Variants in RNPS1 observed in about 807,000 individuals in gnomAD.
The protein encoded by RNPS1 is RNA binding protein with serine rich domain 1.
For missense variants in RNPS1, 300 were observed against 427.6 expected, an observed-to-expected ratio of 0.70 and a Z score of 2.63; for synonymous variants, 147 against 150.0, an observed-to-expected ratio of 0.98 and a Z score of 0.15.
At position 2,264,647 on chromosome 16, in the gene RNPS1, C is replaced by A. The variant is rs1478881685; in HGVS notation, c.-4G>T. On this transcript the variant is annotated 5_prime_UTR_variant, in exon 2 of 8. Coordinates refer to ENST00000320225, the MANE Select transcript of RNPS1 (RefSeq NM_080594.4). ...TTTTCACTCCTGATAAATCCATTCT[C>A]CCCTTCTGAGGTGTTCAAAGCAGCA... 2 of 1,611,834 alleles carry A rather than the reference C, an allele frequency of 1.2e-6. No individual in the cohort carries two copies. The highest frequency in any genetic ancestry group is 1.7e-6 in the Non-Finnish European group (2 of 1,179,848).
rs1454176424 is a variant in RNPS1, at chr16:2,263,177, C to T, written c.338G>A (p.Arg113His). 6.8e-6 allele frequency: 11 copies of T among 1,613,852 alleles called. No individual in the cohort carries two copies. Among genetic ancestry groups the T allele is most frequent in the Middle Eastern group, 3.3e-4 (2 of 6,034 alleles). Residue 113 changes from arginine (R) to histidine (H), a missense_variant, in exon 4 of 8, where the codon CGC becomes CAC. Transcript: ENST00000320225. ...SSRSGSSSTS[R>H]SSSSSSSSGS... ...AGAAGAGCTGCTAGAGCTGGAGCTG[C>T]GGGAGGTGCTGGAGCTTCCTGAGCG...
In RNPS1 at chr16:2,253,736, T is replaced by G. The variant is rs1369515655; in HGVS notation, c.*228A>C. On this transcript the variant is annotated 3_prime_UTR_variant, in exon 8 of 8. Coordinates refer to ENST00000320225, the MANE Select transcript of RNPS1 (RefSeq NM_080594.4). ...CTGACTCTTAGAAACCGGAAACGGA[T>G]GAGCTTTCTAGCCAGAAAACCGGAG... is the stretch of plus-strand genomic sequence containing the variant. 6 of 647,742 alleles carry G rather than the reference T, an allele frequency of 9.3e-6. No individual in the cohort carries two copies. The highest frequency in any genetic ancestry group is 1.4e-5 in the Non-Finnish European group (5 of 358,040). The allele number at this position is 647,742 out of a possible 1,614,324, so 40.1% of individuals were successfully genotyped here.
In RNPS1 at chr16:2,264,342, AG is replaced by A; in HGVS notation, c.72-12del. 6.2e-7 allele frequency: 1 copy of A among 1,614,138 alleles called. No homozygotes were observed. Among genetic ancestry groups the A allele is most frequent in the Non-Finnish European group, 8.5e-7 (1 of 1,180,034 alleles). On this transcript the variant is annotated splice_polypyrimidine_tract_variant and intron_variant, in intron 2 of 7. Transcript: ENST00000320225. ...GTAGGTGAAGGAGCCCTGGATGGTG[AG>A]GAAGAGTGTGAGATTGCGTGCTCCT...
chr16:2,255,352 C>T (rs766273485), intron 7 of RNPS1, among the ~76,000 whole-genome samples: 4 of 152,226 alleles, frequency 2.6e-5, no homozygotes, highest in South Asian at 2.1e-4. Context: ...GGCCACACCA[C>T]GCCACTGCCC....
chr16:2,262,665 ATTC>A lies in RNPS1; in HGVS notation c.522+72_522+74del, dbSNP rs1180363537. On this transcript the variant is annotated intron_variant, in intron 5 of 7. Transcript: ENST00000320225. ...CCACCCCAGTCCTCCAAAAGGCTAC[ATTC>A]TAAGTTCATCTGCAGGCACAGGCCT... 4.5e-6 allele frequency: 6 copies of A among 1,347,148 alleles called. No individual in the cohort carries two copies. In the East Asian group the frequency reaches 1.1e-4, roughly 26 times the overall value. The allele number at this position is 1,347,148 out of a possible 1,614,324, so 83.4% of individuals were successfully genotyped here.
Position 2,264,678 on chromosome 16 carries a change from G to A in RNPS1, c.-35C>T, listed in dbSNP as rs755265833. Reference sequence around the variant, plus strand: ...CTGAGGTGTTCAAAGCAGCAATGGCGGCCTCACTTATCTGAACTCTCACTT... The same window carrying A: ...CTGAGGTGTTCAAAGCAGCAATGGCAGCCTCACTTATCTGAACTCTCACTT... On this transcript the variant is annotated 5_prime_UTR_variant, in exon 2 of 8. Transcript: ENST00000320225. 2.2e-5 allele frequency: 35 copies of A among 1,606,554 alleles called. No homozygotes were observed. The highest frequency in any genetic ancestry group is 3.3e-5 in the South Asian group (3 of 90,692).
chr16:2,266,756 C>T (rs2093626669), intron 1 of RNPS1: 1 of 966,616 alleles, frequency 1.0e-6, no homozygotes, highest in Non-Finnish European at 1.2e-6. Context: ...CCTGAAATTC[C>T]TTAGTAGCCA....
At chr16:2,254,141 T>C in intron 7 of RNPS1, 78 bp from the exon 8 acceptor site, 2 of 1,076,606 alleles carry the variant, frequency 1.9e-6, no homozygotes, top group South Asian at 1.7e-5. Context: ...CAATTCCCCA[T>C]AGTTTTACTT....
At chr16:2,264,095 A>C in intron 3 of RNPS1, 81 bp downstream of exon 3, 1 of 1,528,556 alleles carries the variant, frequency 6.5e-7, no homozygotes, top group Non-Finnish European at 8.9e-7. Context: ...GTAAATAATC[A>C]AGAAAACCGA....
Position 2,255,487 on chromosome 16 carries a change from A to C in RNPS1, c.818+98T>G. ...CCTGCTCTCTGCCAGCCCGCACAGC[A>C]GTGGAAGGCAGGCAGGGCTGAATAA... On this transcript the variant is annotated intron_variant, in intron 7 of 7. Coordinates refer to ENST00000320225, the MANE Select transcript of RNPS1 (RefSeq NM_080594.4). 5.1e-6 allele frequency: 7 copies of C among 1,365,348 alleles called. 1 individual carries two copies. The highest frequency in any genetic ancestry group is 5.0e-6 in the Non-Finnish European group (5 of 999,940). 84.6% of individuals were successfully genotyped at this position (1,365,348 alleles called of 1,614,324 possible).
chr16:2,255,500 C>T (rs2093573988), intron 7 of RNPS1, 85 bp downstream of exon 7: 2 of 1,453,782 alleles, frequency 1.4e-6, no homozygotes, highest in South Asian at 1.4e-5. Flanking sequence ...GGAAGGCAGG[C>T]AGGGCTGAAT....
chr16:2,266,803 G>C, intron 1 of RNPS1: 1 of 661,050 alleles, frequency 1.5e-6, no homozygotes, highest in South Asian at 6.8e-5. Context: ...TTTAACGTTT[G>C]ACACATCCAA....
At chr16:2,260,682 A>G (rs892885043) in intron 6 of RNPS1, among the ~76,000 whole-genome samples, 5 of 152,242 alleles carry the variant, frequency 3.3e-5, no homozygotes, top group African/African-American at 9.6e-5. Flanking sequence ...TTGGGTTTAA[A>G]AAGGTATTAT....
chr16:2,262,886 A>G, intron 4 of RNPS1, 44 bp from the exon 5 acceptor site: 1 of 1,541,334 alleles, frequency 6.5e-7, no homozygotes, highest in Non-Finnish European at 9.0e-7. Context: ...CTGTCAAGTC[A>G]AAATGTACTA....
At chr16:2,259,427 C>G (rs1039476871) in intron 6 of RNPS1, among the ~76,000 whole-genome samples, 3 of 152,210 alleles carry the variant, frequency 2.0e-5, no homozygotes, top group African/African-American at 7.2e-5. Context: ...TATGGCTGCC[C>G]TAAAACCTTT....
intron 4 of RNPS1, 111 bp downstream of exon 4, chr16:2,262,985 C>T (rs2093609387): frequency 1.5e-5 from 20 of 1,356,166 alleles, no homozygotes; most frequent in Non-Finnish European, 2.0e-5. Context: ...ATTCCTGTCT[C>T]AGAAATCCTA....
At position 2,264,142 on chromosome 16, in the gene RNPS1, G is replaced by C. The variant is rs755365526; in HGVS notation, c.227+34C>G. On this transcript the variant is annotated intron_variant, in intron 3 of 7. Coordinates refer to ENST00000320225, the MANE Select transcript of RNPS1 (RefSeq NM_080594.4). ...GGAGTGGGGGTGTAGCTGTGGCACAGGTCCTCTCCAGGCTCCAGGCCAGCC... is the reference window on the plus strand; with the variant it reads ...GGAGTGGGGGTGTAGCTGTGGCACACGTCCTCTCCAGGCTCCAGGCCAGCC... The C allele has an allele frequency of 9.3e-6, 15 of 1,610,842 alleles. No individual in the cohort carries two copies. The South Asian group carries it at 1.2e-4, about 13-fold the overall frequency.
At chr16:2,266,724 G>A in intron 1 of RNPS1, 1 of 985,184 alleles carries the variant, frequency 1.0e-6, no homozygotes, top group Non-Finnish European at 1.2e-6. Flanking sequence ...AATAGAAACC[G>A]TGTGAGGAGC....
intron 1 of RNPS1, chr16:2,266,218 T>C (rs965903523): frequency 4.3e-5 from 42 of 985,364 alleles, no homozygotes; most frequent in Non-Finnish European, 5.1e-5. Context: ...AAATACGTTC[T>C]GACCCAAGAA....
Sources: allele counts gnomAD v4.1 joint callset (sites outside exome capture counted in the v4.1 genomes callset), GRCh38; gene constraint gnomAD v4.1.1; transcripts MANE v1.5; gene names NCBI Gene and HGNC (gene_info 2026-07-23, HGNC 2026-07-21).